Variants in PDE8A observed in about 807,000 individuals in gnomAD.
PDE8A encodes the protein phosphodiesterase 8A.
A neutral mutation model predicts 105.0 loss-of-function variants in PDE8A; 59 were observed. The ratio of observed to expected loss-of-function variants is 0.56; its 90% CI spans 0.46 to 0.70. The LOEUF is 0.70. Among genes scored for constraint, PDE8A ranks in the 30% least tolerant of loss-of-function variants. The pLI is 0.00. For synonymous variants in PDE8A, 355 were observed against 371.9 expected (o/e 0.95, Z 0.52); for missense variants, 1,014 against 1,045.9 (o/e 0.97, Z 0.42).
At chr15:85,104,594 T>C (rs752636083) in intron 11 of PDE8A, among the ~76,000 whole-genome samples, 1 of 152,084 alleles carries the variant, frequency 6.6e-6, no homozygotes, top group Admixed American at 6.6e-5. Flanking sequence ...GGGAACCAGC[T>C]TACTGTGTGG....
intron 3 of PDE8A, among the ~76,000 whole-genome samples, chr15:85,074,975 C>T (rs754760068): frequency 1.9e-4 from 29 of 152,130 alleles, no homozygotes; most frequent in Non-Finnish European, 2.6e-4. Context: ...CAACATAAGT[C>T]GTCTTCCTCT....
intron 1 of PDE8A, among the ~76,000 whole-genome samples, chr15:85,045,634 G>T (rs1158654194): frequency 6.6e-6 from 1 of 152,154 alleles, no homozygotes; most frequent in African/African-American, 2.4e-5. Context: ...GTTGTTATTT[G>T]CATTTTCCTC....
At chr15:85,027,725 A>G (rs1326065538) in intron 1 of PDE8A, among the ~76,000 whole-genome samples, 1 of 152,204 alleles carries the variant, frequency 6.6e-6, no homozygotes, top group Non-Finnish European at 1.5e-5. Flanking sequence ...ATTTCTTCTT[A>G]TTAAAATGAG....
At chr15:85,090,844 A>T in intron 7 of PDE8A, 200 bp from the exon 8 acceptor site, 1 of 642,712 alleles carries the variant, frequency 1.6e-6, no homozygotes, top group South Asian at 1.5e-5. Context: ...GCCGGGTATC[A>T]CCCAAGCAGA....
intron 6 of PDE8A, among the ~76,000 whole-genome samples, chr15:85,087,199 G>GT (rs2081568478): frequency 6.6e-6 from 1 of 151,468 alleles, no homozygotes; most frequent in Non-Finnish European, 1.5e-5. Context: ...TAAAGGCATT[G>GT]TTTTTTTTAT....
At chr15:85,030,062 G>A (rs1365718944) in intron 1 of PDE8A, among the ~76,000 whole-genome samples, 2 of 152,154 alleles carry the variant, frequency 1.3e-5, no homozygotes, top group Non-Finnish European at 2.9e-5. Flanking sequence ...TGTTGAGAAT[G>A]TGACCAACAG....
chr15:85,126,486 C>T lies in PDE8A; in HGVS notation c.2253+112C>T, dbSNP rs1299809542. ...AATAGGGTTCTAAAAAAATTCTGTC[C>T]TTGTTTTGCAAGGTAACAAATGGTA... On this transcript the variant is annotated intron_variant, in intron 20 of 21. Transcript: ENST00000394553. 3.7e-6 allele frequency: 3 copies of T among 800,342 alleles called. No homozygotes were observed. The African/African-American group carries it at 5.4e-5, about 14-fold the overall frequency. The allele number at this position is 800,342 out of a possible 1,614,324, so 49.6% of individuals were successfully genotyped here. A position where few individuals can be genotyped will look rare whatever the true frequency, so the allele number is the denominator to read the frequency against.
At chr15:85,020,536 G>A (rs548569210) in intron 1 of PDE8A, among the ~76,000 whole-genome samples, 11 of 152,314 alleles carry the variant, frequency 7.2e-5, no homozygotes, top group African/African-American at 2.2e-4. Flanking sequence ...CACGGGAGGT[G>A]GAGGTTGCAG....
chr15:85,099,934 A>G, intron 9 of PDE8A, 81 bp from the exon 10 acceptor site: 8 of 1,188,154 alleles, frequency 6.7e-6, no homozygotes, highest in South Asian at 1.4e-5. Flanking sequence ...GGGAGGTGCC[A>G]TTTTCGTAAT....
intron 11 of PDE8A, among the ~76,000 whole-genome samples, chr15:85,104,710 G>T (rs1322095990): frequency 6.6e-6 from 1 of 152,178 alleles, no homozygotes; most frequent in African/African-American, 2.4e-5. Context: ...GAGCAGGTTT[G>T]TACAGGGAGT....
At chr15:85,090,789 C>T (rs1274444199) in intron 7 of PDE8A, 6 of 515,982 alleles carry the variant, frequency 1.2e-5, no homozygotes, top group Non-Finnish European at 1.9e-5. Context: ...TGGGAGTGGG[C>T]CTGCTGCCCT....
At chr15:85,063,407 G>C (rs1421241898) in intron 1 of PDE8A, 5 of 152,130 alleles carry the variant, frequency 3.3e-5, no homozygotes, top group Non-Finnish European at 7.3e-5. Flanking sequence ...CAGAGTCACT[G>C]GGCAAATTAC....
At chr15:85,028,862 T>A (rs747616097) in intron 1 of PDE8A, among the ~76,000 whole-genome samples, 1 of 152,190 alleles carries the variant, frequency 6.6e-6, no homozygotes, top group Non-Finnish European at 1.5e-5. Flanking sequence ...AAGCACTGTG[T>A]CTAACTCACT....
At chr15:85,019,274 G>A (rs1464245803) in intron 1 of PDE8A, among the ~76,000 whole-genome samples, 1 of 152,136 alleles carries the variant, frequency 6.6e-6, no homozygotes, top group Non-Finnish European at 1.5e-5. Flanking sequence ...AGAAAAATCT[G>A]CATACACACA....
chr15:85,005,869 G>A (rs924458981), intron 1 of PDE8A, among the ~76,000 whole-genome samples: 16 of 152,236 alleles, frequency 1.1e-4, no homozygotes, highest in South Asian at 8.3e-4. Context: ...GGAACATGGC[G>A]AGAACTGACC....
intron 11 of PDE8A, among the ~76,000 whole-genome samples, chr15:85,100,926 G>A (rs2081852605): frequency 6.6e-6 from 1 of 152,218 alleles, no homozygotes; most frequent in Non-Finnish European, 1.5e-5. Context: ...CCTTCATGCT[G>A]TTGGTGACAT....
At chr15:85,036,191 T>G (rs924169480) in intron 1 of PDE8A, among the ~76,000 whole-genome samples, 2 of 152,196 alleles carry the variant, frequency 1.3e-5, no homozygotes, top group Non-Finnish European at 2.9e-5. Context: ...TTCCTCTGTT[T>G]ATGTGGATGC....
chr15:85,083,449 T>C, intron 5 of PDE8A, 107 bp from the exon 6 acceptor site: 1 of 661,446 alleles, frequency 1.5e-6, no homozygotes, highest in South Asian at 1.8e-5. Context: ...AAAGTATTTT[T>C]TAGATTTCAG....
intron 1 of PDE8A, among the ~76,000 whole-genome samples, chr15:85,025,493 G>C (rs973789887): frequency 6.6e-6 from 1 of 152,174 alleles, no homozygotes; most frequent in Non-Finnish European, 1.5e-5. Flanking sequence ...TTTAAAGAAA[G>C]AAACCCAAAG....
Sources: allele counts gnomAD v4.1 joint callset (sites outside exome capture counted in the v4.1 genomes callset), GRCh38; gene constraint gnomAD v4.1.1; transcripts MANE v1.5; gene names NCBI Gene and HGNC (gene_info 2026-07-23, HGNC 2026-07-21).